TACC1: variants seen among roughly 807,000 people sequenced by gnomAD.
The protein encoded by TACC1 is transforming acidic coiled-coil-containing protein 1.
In TACC1, 48 loss-of-function variants were observed where a neutral mutation model predicts 84.4. That is an observed-to-expected ratio of 0.57 (90% confidence interval 0.45 to 0.72). The LOEUF (loss-of-function observed/expected upper bound fraction) is 0.72. TACC1 is among the 30% of genes least tolerant of loss of function. TACC1 has a pLI of 0.00. For missense variants in TACC1, 920 were observed against 973.0 expected, an observed-to-expected ratio of 0.95 and a Z score of 0.72; for synonymous variants, 372 against 376.3, an observed-to-expected ratio of 0.99 and a Z score of 0.13.
At chr8:38,733,943 C>A (rs1435445216) in intron 1 of TACC1, among the ~76,000 whole-genome samples, 1 of 152,160 alleles carries the variant, frequency 6.6e-6, no homozygotes, top group African/African-American at 2.4e-5. Flanking sequence ...GAATTCGGGT[C>A]CTCCTTAGAC....
intron 7 of TACC1, 75 bp from the exon 8 acceptor site, chr8:38,838,395 G>A: frequency 1.0e-6 from 1 of 986,456 alleles, no homozygotes; most frequent in Admixed American, 1.8e-5. Flanking sequence ...AGACCTGGTT[G>A]TGTGCTATTT....
upstream of TACC1, chr8:38,785,745 A>T (rs1222903173): frequency 1.0e-6 from 1 of 984,446 alleles, no homozygotes; most frequent in African/African-American, 1.7e-5. Flanking sequence ...GGGTAAGCAT[A>T]AACCTAAAAC....
At chr8:38,807,960 A>C (rs576867693) in intron 2 of TACC1, among the ~76,000 whole-genome samples, 1 of 152,366 alleles carries the variant, frequency 6.6e-6, no homozygotes, top group East Asian at 1.9e-4. Flanking sequence ...CGATTCACAC[A>C]ACCTTTTAGA....
intron 1 of TACC1, among the ~76,000 whole-genome samples, chr8:38,738,929 C>T (rs1188407100): frequency 5.3e-5 from 8 of 152,218 alleles, no homozygotes; most frequent in Non-Finnish European, 2.9e-5. Flanking sequence ...CACACTCTGT[C>T]GCCCAAGCTG....
intron 3 of TACC1, among the ~76,000 whole-genome samples, chr8:38,751,797 A>G (rs1218268017): frequency 6.6e-6 from 1 of 152,086 alleles, no homozygotes; most frequent in Non-Finnish European, 1.5e-5. Context: ...GTGGTGTGCA[A>G]TGGAACCTGC....
intron 3 of TACC1, among the ~76,000 whole-genome samples, chr8:38,759,187 T>C (rs1373207772): frequency 2.0e-5 from 3 of 152,222 alleles, no homozygotes; most frequent in African/African-American, 7.2e-5. Context: ...GGAGATCTTT[T>C]ATCTGTTCCT....
At chr8:38,838,425 C>A in intron 7 of TACC1, 45 bp from the exon 8 acceptor site, 1 of 1,443,716 alleles carries the variant, frequency 6.9e-7, no homozygotes. Flanking sequence ...GTCTTAAATG[C>A]AAATTGTAAT....
chr8:38,844,811 A>G (rs1831905720), intron 11 of TACC1: 1 of 152,204 alleles, frequency 6.6e-6, no homozygotes, highest in Admixed American at 6.5e-5. Flanking sequence ...GATCTTCCCC[A>G]TGCTGGATAG....
chr8:38,843,527 T>C, intron 11 of TACC1, 132 bp downstream of exon 11: 1 of 543,056 alleles, frequency 1.8e-6, no homozygotes, highest in Non-Finnish European at 3.1e-6. Context: ...TTTAAACCCT[T>C]TTCCCATTGT....
rs779828297 is a variant in TACC1, at chr8:38,789,279, G to A, written c.277+460G>A. ...ACTTCCATGCAGGGATGTGGTGAGAGCCCTTCAGTCTACTTAGGAAAACCT... is the reference window on the plus strand; with the variant it reads ...ACTTCCATGCAGGGATGTGGTGAGAACCCTTCAGTCTACTTAGGAAAACCT... On this transcript the variant is annotated intron_variant, in intron 2 of 12. Coordinates refer to ENST00000317827, the MANE Select transcript of TACC1 (RefSeq NM_006283.3). 4.6e-5 allele frequency among the ~76,000 whole-genome samples: 7 copies of A among 152,296 alleles called. No individual in the cohort carries two copies. In the East Asian group the frequency reaches 1.3e-3, roughly 29 times the overall value.
At chr8:38,735,025 C>T (rs1368388554) in intron 1 of TACC1, among the ~76,000 whole-genome samples, 2 of 152,236 alleles carry the variant, frequency 1.3e-5, no homozygotes, top group Non-Finnish European at 2.9e-5. Context: ...AGGCACCACA[C>T]GTGCTTGTTC....
intron 3 of TACC1, among the ~76,000 whole-genome samples, chr8:38,821,783 A>G (rs1478830430): frequency 1.3e-5 from 2 of 152,208 alleles, no homozygotes; most frequent in South Asian, 2.1e-4. Flanking sequence ...GGTAAGCCAC[A>G]GGGAAATGCA....
intron 2 of TACC1, among the ~76,000 whole-genome samples, chr8:38,808,346 G>A (rs895476349): frequency 6.6e-6 from 1 of 152,002 alleles, no homozygotes; most frequent in Non-Finnish European, 1.5e-5. Flanking sequence ...AGCCTACTGA[G>A]GATCTGGGTA....
At chr8:38,796,035 A>G (rs955942361) in intron 2 of TACC1, among the ~76,000 whole-genome samples, 2 of 152,184 alleles carry the variant, frequency 1.3e-5, no homozygotes, top group Admixed American at 6.5e-5. Flanking sequence ...TAAATGATTG[A>G]TCTCCAGCTT....
rs10680579 is a variant in TACC1 at position 38,755,812 on chromosome 8, C to CATTATTATTATT, written c.26+10327_26+10338dup. Among the ~76,000 whole-genome samples, 110 of 150,036 alleles carry CATTATTATTATT rather than the reference C, an allele frequency of 7.3e-4. No homozygotes were observed. In the East Asian group the frequency reaches 0.015, roughly 21 times the overall value. The stretch of plus-strand genomic sequence containing the variant: ...GTGAAAGATAGACAAGTGAAGAGAT[C>CATTATTATTATT]ATTATTATTATTATTATTAGAGATG... On this transcript the variant is annotated intron_variant, in intron 3 of 14. Transcript: ENST00000518415.
chr8:38,848,099 G>A lies in TACC1; in HGVS notation c.*76G>A. On this transcript the variant is annotated 3_prime_UTR_variant, in exon 13 of 13. Transcript: ENST00000317827. ...GACCACAATTATCTTGCCTTATCCAGGAATAATTGCCCCTTTGCAGAGAAA... is the reference window on the plus strand; with the variant it reads ...GACCACAATTATCTTGCCTTATCCAAGAATAATTGCCCCTTTGCAGAGAAA... 7.3e-7 allele frequency: 1 copy of A among 1,370,438 alleles called. No homozygotes were observed. Among genetic ancestry groups the A allele is most frequent in the South Asian group, 1.3e-5 (1 of 76,714 alleles). 84.9% of individuals were successfully genotyped at this position (1,370,438 alleles called of 1,614,324 possible).
intron 2 of TACC1, among the ~76,000 whole-genome samples, chr8:38,801,501 C>T (rs1042849083): frequency 6.6e-6 from 1 of 152,166 alleles, no homozygotes; most frequent in African/African-American, 2.4e-5. Flanking sequence ...TAACTTTGCA[C>T]CCTTGTCAAA....
intron 1 of TACC1, among the ~76,000 whole-genome samples, chr8:38,735,401 C>T (rs1419894766): frequency 6.6e-6 from 1 of 152,148 alleles, no homozygotes; most frequent in Non-Finnish European, 1.5e-5. Flanking sequence ...CGTTTTCCAC[C>T]CGCGCTGTGC....
At chr8:38,784,761 T>C (rs1342456661), upstream of TACC1, among the ~76,000 whole-genome samples, 1 of 152,180 alleles carries the variant, frequency 6.6e-6, no homozygotes, top group Non-Finnish European at 1.5e-5. Context: ...TTTTCTTACA[T>C]ATATATTGAA....
Sources: allele counts gnomAD v4.1 joint callset (sites outside exome capture counted in the v4.1 genomes callset), GRCh38; gene constraint gnomAD v4.1.1; transcripts MANE v1.5; gene names NCBI Gene and HGNC (gene_info 2026-07-23, HGNC 2026-07-21).